Variants in PARD3B observed in about 807,000 individuals in gnomAD.
PARD3B encodes partitioning defective 3 homolog B.
Under a neutral mutation model 130.2 loss-of-function variants are expected in PARD3B, and 103 were observed. The observed-to-expected ratio is 0.79, with a 90% confidence interval of 0.67 to 0.93. PARD3B has a LOEUF of 0.93. PARD3B is among the 40% of genes least tolerant of loss of function. PARD3B has a pLI of 0.00. For missense variants in PARD3B, 1,609 were observed against 1,499.2 expected, an observed-to-expected ratio of 1.07 and a Z score of -1.21; for synonymous variants, 583 against 553.2, an observed-to-expected ratio of 1.05 and a Z score of -0.76.
At chr2:204,614,814 A>AT (rs1191722602) in intron 1 of PARD3B, among the ~76,000 whole-genome samples, 1 of 152,074 alleles carries the variant, frequency 6.6e-6, no homozygotes, top group African/African-American at 2.4e-5. Context: ...TTCTGCCATG[A>AT]TTGGAAGCTT....
intron 18 of PARD3B, among the ~76,000 whole-genome samples, chr2:205,329,422 G>A (rs1011891473): frequency 3.3e-5 from 5 of 152,186 alleles, no homozygotes; most frequent in African/African-American, 1.2e-4. Flanking sequence ...ATTAGCACAT[G>A]CCATTCGACT....
intron 2 of PARD3B, among the ~76,000 whole-genome samples, chr2:204,875,980 G>A (rs897016005): frequency 1.8e-4 from 28 of 152,132 alleles, no homozygotes; most frequent in African/African-American, 6.8e-4. Flanking sequence ...TCAGTTTCTG[G>A]ATCCACTCCT....
chr2:205,580,254 A>C (rs1446898552), intron 22 of PARD3B, among the ~76,000 whole-genome samples: 1 of 152,208 alleles, frequency 6.6e-6, no homozygotes, highest in Non-Finnish European at 1.5e-5. Flanking sequence ...GATTTATATT[A>C]AACATTAAAT....
rs376980012 is a variant in PARD3B, at chr2:205,546,998, T to C, written c.3181-6326T>C. On this transcript the variant is annotated intron_variant, in intron 21 of 22. Coordinates refer to ENST00000406610, the MANE Select transcript of PARD3B (RefSeq NM_001302769.2). ...GTCATTTTGGGGTGGTTTTCCACAA[T>C]AATCATTTAATGGAGAAAAAAATGA... Among the ~76,000 whole-genome samples the C allele has an allele frequency of 7.9e-4, 121 of 152,276 alleles. 1 individual carries two copies. Among genetic ancestry groups the C allele is most frequent in the African/African-American group, 2.8e-3 (116 of 41,580 alleles).
chr2:204,684,428 C>T (rs1413238243), intron 1 of PARD3B, among the ~76,000 whole-genome samples: 1 of 152,104 alleles, frequency 6.6e-6, no homozygotes. Context: ...AGACTTTTTA[C>T]AAGGAATAAA....
intron 18 of PARD3B, among the ~76,000 whole-genome samples, chr2:205,342,079 T>A (rs1192219724): frequency 6.6e-6 from 1 of 152,152 alleles, no homozygotes; most frequent in Non-Finnish European, 1.5e-5. Flanking sequence ...GTCTGTTGTA[T>A]CCTCAGCCTC....
intron 22 of PARD3B, among the ~76,000 whole-genome samples, chr2:205,607,216 G>A (rs1008731632): frequency 4.0e-5 from 6 of 151,486 alleles, no homozygotes; most frequent in African/African-American, 7.3e-5. Context: ...TTCTTGGGCC[G>A]CTAACAGCCA....
chr2:205,341,827 A>T lies in PARD3B; in HGVS notation c.2630+40126A>T, dbSNP rs968275514. Among the ~76,000 whole-genome samples the T allele has an allele frequency of 2.0e-5, 3 of 152,082 alleles. No individual in the cohort carries two copies. The highest frequency in any genetic ancestry group is 7.2e-5 in the African/African-American group (3 of 41,436). On this transcript the variant is annotated intron_variant, in intron 18 of 22. Coordinates refer to ENST00000406610, the MANE Select transcript of PARD3B (RefSeq NM_001302769.2). The surrounding 1 kb of genome is among the most constrained non-coding windows in gnomAD (Gnocchi z 4.3). ...CATTATATGTGCATATTAAAATATC[A>T]CTCTGTATTACTCCTAAATATGTAC...
At chr2:205,521,184 AT>A (rs1330999166) in intron 21 of PARD3B, among the ~76,000 whole-genome samples, 3 of 151,538 alleles carry the variant, frequency 2.0e-5, no homozygotes, top group Non-Finnish European at 2.9e-5. Context: ...GAGTGTTTGT[AT>A]TTTTCCTAGT....
intron 3 of PARD3B, among the ~76,000 whole-genome samples, chr2:205,041,746 T>C (rs143170250): frequency 1.3e-5 from 2 of 152,252 alleles, no homozygotes; most frequent in Non-Finnish European, 2.9e-5. Context: ...AATAAATCCC[T>C]GCTGCTACTC....
At chr2:205,474,833 A>G (rs565458578) in intron 20 of PARD3B, among the ~76,000 whole-genome samples, 2 of 152,178 alleles carry the variant, frequency 1.3e-5, no homozygotes, top group South Asian at 2.1e-4. Flanking sequence ...CCCTTTACTA[A>G]TTTGATTCAT....
At chr2:204,935,352 A>T (rs895392792) in intron 2 of PARD3B, among the ~76,000 whole-genome samples, 51 of 142,932 alleles carry the variant, frequency 3.6e-4, no homozygotes, top group Non-Finnish European at 5.7e-4. Context: ...ACACGGTGAA[A>T]CCCTGTCTCT....
chr2:205,345,853 T>G (rs1440404662), intron 18 of PARD3B, among the ~76,000 whole-genome samples: 1 of 37,174 alleles, frequency 2.7e-5, no homozygotes, highest in African/African-American at 4.2e-5. Context: ...TTTAGGAAAA[T>G]GAAAACTGCA....
At chr2:204,635,728 C>T (rs975945664) in intron 1 of PARD3B, among the ~76,000 whole-genome samples, 1 of 152,142 alleles carries the variant, frequency 6.6e-6, no homozygotes, top group Non-Finnish European at 1.5e-5. Flanking sequence ...TAATGAGTCA[C>T]TTATTTCCTT....
At chr2:205,320,299 AAG>A (rs1254115266) in intron 18 of PARD3B, among the ~76,000 whole-genome samples, 2 of 152,034 alleles carry the variant, frequency 1.3e-5, no homozygotes, top group Non-Finnish European at 2.9e-5. Flanking sequence ...TTAATTCTAA[AAG>A]AGAGGAACAA....
intron 21 of PARD3B, among the ~76,000 whole-genome samples, chr2:205,543,152 A>G: frequency 6.6e-6 from 1 of 152,198 alleles, no homozygotes; most frequent in East Asian, 1.9e-4. Flanking sequence ...ATGGTGCCAA[A>G]AGGAGGCATT....
At chr2:205,006,499 A>T (rs1311454214) in intron 3 of PARD3B, among the ~76,000 whole-genome samples, 1 of 152,208 alleles carries the variant, frequency 6.6e-6, no homozygotes, top group Non-Finnish European at 1.5e-5. Context: ...AATAATGGCC[A>T]TTCTTGCAGA....
In PARD3B at chr2:205,406,659, CTT is replaced by C. The variant is rs777517284; in HGVS notation, c.2741+5564_2741+5565del. ...TAGCACCTAAAATCTTCTTGTGTATCTTTTTTTTTTTTTTTTTTTTTTTTTTT... is the reference window on the plus strand; with the variant it reads ...TAGCACCTAAAATCTTCTTGTGTATCTTTTTTTTTTTTTTTTTTTTTTTTT... On this transcript the variant is annotated intron_variant, in intron 19 of 22. Coordinates refer to ENST00000406610, the MANE Select transcript of PARD3B (RefSeq NM_001302769.2). Among the ~76,000 whole-genome samples the C allele has an allele frequency of 1.3e-3, 118 of 87,458 alleles. 2 individuals carry two copies. The highest frequency in any genetic ancestry group is 9.6e-3 in the South Asian group (24 of 2,490). 57.4% of individuals were successfully genotyped at this position (87,458 alleles called of 152,430 possible).
chr2:205,248,768 T>C (rs1047758462), intron 16 of PARD3B, among the ~76,000 whole-genome samples: 3 of 150,930 alleles, frequency 2.0e-5, no homozygotes, highest in Non-Finnish European at 4.4e-5. Context: ...CTACCGCGCC[T>C]GGCTAATTTT....
Sources: allele counts gnomAD v4.1 joint callset (sites outside exome capture counted in the v4.1 genomes callset), GRCh38; gene constraint gnomAD v4.1.1; non-coding constraint Gnocchi (gnomAD v3.1); transcripts MANE v1.5; gene names NCBI Gene and HGNC (gene_info 2026-07-23, HGNC 2026-07-21).